ARHGEF18: variants seen among roughly 807,000 people sequenced by gnomAD.
The protein encoded by ARHGEF18 is rho guanine nucleotide exchange factor 18.
A neutral mutation model predicts 155.7 loss-of-function variants in ARHGEF18; 93 were observed. The ratio of observed to expected loss-of-function variants is 0.60; its 90% CI spans 0.50 to 0.71. The LOEUF is 0.71. ARHGEF18 is among the 30% of genes least tolerant of loss of function. The probability of loss-of-function intolerance (pLI) is 0.00; values close to 1 mark genes in which losing one functional copy is unlikely to be tolerated. For missense variants in ARHGEF18, 1,593 were observed against 1,816.1 expected (o/e 0.88, Z 2.23); for synonymous variants, 742 against 753.1 (o/e 0.99, Z 0.24).
chr19:7,440,359 A>C lies in ARHGEF18; in HGVS notation c.983A>C (p.His328Pro). 1.2e-6 allele frequency: 2 copies of C among 1,612,420 alleles called. No individual in the cohort carries two copies. The highest frequency in any genetic ancestry group is 1.7e-6 in the Non-Finnish European group (2 of 1,179,898). ...PFLSSASLKE[H>P]PRGTLLSDGS... ...TCTGTCACAGCCTCGCTCAAGGAGC[A>C]CCCCCGGGGCACCCTCCTGTCCGAT... is the stretch of plus-strand genomic sequence containing the variant. Residue 328 changes from histidine (H) to proline (P), a missense_variant, in exon 11 of 29, where the codon CAC (histidine) becomes CCC (proline). His to Pro is a moderately conservative substitution (Grantham distance 77, BLOSUM62 -2). Transcript: ENST00000668164. The surrounding 1 kb of genome is among the most constrained non-coding windows in gnomAD (Gnocchi z 5.4).
At chr19:7,407,765 A>G (rs1398641606) in intron 10 of ARHGEF18, among the ~76,000 whole-genome samples, 1 of 151,972 alleles carries the variant, frequency 6.6e-6, no homozygotes, top group Non-Finnish European at 1.5e-5. Context: ...GATTAAGACC[A>G]TCTTGACTAA....
At chr19:7,453,807 C>T (rs373965193) in intron 17 of ARHGEF18, 92 bp downstream of exon 17, 1 of 1,425,990 alleles carries the variant, frequency 7.0e-7, no homozygotes, top group Non-Finnish European at 9.2e-7. Context: ...AGATTAGTGG[C>T]ACCATCTTGT....
downstream of ARHGEF18, among the ~76,000 whole-genome samples, chr19:7,473,635 C>T (rs947010625): frequency 2.0e-5 from 3 of 152,064 alleles, no homozygotes; most frequent in East Asian, 1.9e-4. Context: ...CAAGGTGAAA[C>T]CCCGTCTCAA....
chr19:7,397,097 G>GAAA (rs35973104), intron 10 of ARHGEF18, among the ~76,000 whole-genome samples: 4 of 62,270 alleles, frequency 6.4e-5, no homozygotes, highest in African/African-American at 8.5e-5. Context: ...GCCTTTTTGC[G>GAAA]AAAAAAAAAA....
intron 10 of ARHGEF18, among the ~76,000 whole-genome samples, chr19:7,418,125 G>A (rs915713968): frequency 6.6e-6 from 1 of 152,198 alleles, no homozygotes; most frequent in Admixed American, 6.6e-5. Flanking sequence ...CAGCAGCTAC[G>A]GAGGAAGTGA....
downstream of ARHGEF18, chr19:7,473,228 C>T (rs1398430174): frequency 2.2e-6 from 1 of 456,102 alleles, no homozygotes; most frequent in Middle Eastern, 3.2e-4. Context: ...CAGAGGGTTT[C>T]CCATCACAAG....
intron 1 of ARHGEF18, among the ~76,000 whole-genome samples, chr19:7,358,284 T>C (rs1282536843): frequency 1.2e-4 from 18 of 149,912 alleles, no homozygotes; most frequent in South Asian, 4.2e-4. Context: ...CATCCATCCA[T>C]CCATCCATCC....
At chr19:7,477,389 G>T (rs750711022), downstream of ARHGEF18, 2 of 1,542,366 alleles carry the variant, frequency 1.3e-6, no homozygotes, top group Non-Finnish European at 1.7e-6. Context: ...CAGCGCCTCC[G>T]ACTGCATCTG....
chr19:7,383,978 T>C (rs1199471287), intron 10 of ARHGEF18, among the ~76,000 whole-genome samples: 1 of 152,160 alleles, frequency 6.6e-6, no homozygotes, highest in African/African-American at 2.4e-5. Flanking sequence ...GAGATGGCTC[T>C]GGTCATTGCC....
intron 10 of ARHGEF18, among the ~76,000 whole-genome samples, chr19:7,431,298 C>T (rs887014175): frequency 2.0e-5 from 3 of 152,004 alleles, no homozygotes; most frequent in Admixed American, 2.0e-4. Flanking sequence ...GGGCGGATCA[C>T]TTGAGGTCAG....
chr19:7,473,992 A>T (rs1333139289), downstream of ARHGEF18, among the ~76,000 whole-genome samples: 1 of 139,822 alleles, frequency 7.2e-6, no homozygotes, highest in African/African-American at 2.6e-5. Flanking sequence ...ATAAGAGCTT[A>T]AAAAAAAAAA....
At chr19:7,416,691 C>T (rs1973043585) in intron 10 of ARHGEF18, among the ~76,000 whole-genome samples, 1 of 149,922 alleles carries the variant, frequency 6.7e-6, no homozygotes, top group Non-Finnish European at 1.5e-5. Flanking sequence ...CAAACTCTGC[C>T]TCCCGGGTTC....
intron 17 of ARHGEF18, 74 bp from the exon 18 acceptor site, chr19:7,456,253 A>C: frequency 2.2e-6 from 3 of 1,350,528 alleles, no homozygotes; most frequent in Non-Finnish European, 2.1e-6. Context: ...GGGAAGTGGC[A>C]TCCGCGGGGG....
At chr19:7,378,311 G>A (rs1970559115) in intron 5 of ARHGEF18, 83 bp from the exon 6 acceptor site, 1 of 1,067,276 alleles carries the variant, frequency 9.4e-7, no homozygotes, top group East Asian at 3.2e-5. Context: ...GGCCCAGGGT[G>A]GCATCCGGGA....
At position 7,440,150 on chromosome 19, in the gene ARHGEF18, C is replaced by T. The variant is rs375575448; in HGVS notation, c.968-194C>T. 6.8e-5 allele frequency: 105 copies of T among 1,551,346 alleles called. No homozygotes were observed. In the African/African-American group the frequency reaches 1.1e-3, roughly 17 times the overall value. On this transcript the variant is annotated intron_variant, in intron 10 of 28. Coordinates refer to ENST00000668164, the MANE Select transcript of ARHGEF18 (RefSeq NM_001367823.1). The surrounding 1 kb of genome is among the most constrained non-coding windows in gnomAD (Gnocchi z 5.4). ...GCGGGGACAGGCACAGCGCGCTCCC[C>T]GGCCGCCCCGAGCTGTCTTTTTACG... is the stretch of plus-strand genomic sequence containing the variant.
At chr19:7,383,607 C>T (rs2145457150) in intron 10 of ARHGEF18, among the ~76,000 whole-genome samples, 1 of 152,198 alleles carries the variant, frequency 6.6e-6, no homozygotes. Context: ...GGAAATGATC[C>T]ATTCCAGGCG....
At position 7,442,124 on chromosome 19, in the gene ARHGEF18, C is replaced by CCCTTCCTT. The variant is rs200202576; in HGVS notation, c.1360+113_1360+120dup. On this transcript the variant is annotated intron_variant, in intron 13 of 28. Coordinates refer to ENST00000668164, the MANE Select transcript of ARHGEF18 (RefSeq NM_001367823.1). Reference sequence around the variant, plus strand: ...TTCTCTGCTCCCTCCCTTCCTCCCTCCCTTCCTTCCTTCCTTCCTTCCTTC... The same window carrying CCCTTCCTT: ...TTCTCTGCTCCCTCCCTTCCTCCCTCCCTTCCTTCCTTCCTTCCTTCCTTCCTTCCTTC... 1,065 of 1,129,794 alleles carry CCCTTCCTT rather than the reference C, an allele frequency of 9.4e-4. 2 individuals are homozygous for CCCTTCCTT. Among genetic ancestry groups the CCCTTCCTT allele is most frequent in the South Asian group, 3.5e-3 (244 of 69,588 alleles). The allele number at this position is 1,129,794 out of a possible 1,614,324, so 70.0% of individuals were successfully genotyped here.
intron 7 of ARHGEF18, among the ~76,000 whole-genome samples, chr19:7,380,250 G>A (rs963554863): frequency 5.3e-5 from 8 of 151,868 alleles, no homozygotes; most frequent in Non-Finnish European, 7.4e-5. Flanking sequence ...AGGCCAAGGC[G>A]GGCGGATCAC....
intron 14 of ARHGEF18, 59 bp from the exon 15 acceptor site, chr19:7,446,984 G>A (rs1975039877): frequency 1.3e-6 from 2 of 1,567,592 alleles, no homozygotes; most frequent in Admixed American, 1.9e-5. Flanking sequence ...CGAATTAGAT[G>A]AAAATACTCT....
Sources: gnomAD v4.1 joint callset for allele counts (sites outside exome capture counted in the v4.1 genomes callset) on GRCh38, gnomAD v4.1.1 for gene constraint, Gnocchi (gnomAD v3.1) non-coding constraint, MANE v1.5 for transcripts, NCBI Gene and HGNC (gene_info 2026-07-23, HGNC 2026-07-21) for gene names.